The following SUCO variants were observed in gnomAD, a reference collection of about 807,000 sequenced individuals.
SUCO encodes the protein SUN domain-containing ossification factor.
In SUCO, 57 loss-of-function variants were observed where a neutral mutation model predicts 148.1. That is an observed-to-expected ratio of 0.38 (90% confidence interval 0.31 to 0.48). The LOEUF is 0.48. Ranked by LOEUF, SUCO falls within the 20% of genes least tolerant of loss-of-function variation. SUCO has a pLI of 0.96. For synonymous variants in SUCO, 470 were observed against 502.7 expected (o/e 0.93, Z 0.87); for missense variants, 1,331 against 1,468.2 (o/e 0.91, Z 1.53).
At chr1:172,601,381 C>T (rs926976665) in intron 20 of SUCO, among the ~76,000 whole-genome samples, 14 of 151,770 alleles carry the variant, frequency 9.2e-5, no homozygotes, top group African/African-American at 3.1e-4. Flanking sequence ...ATCCCAGCAA[C>T]TTGGGAGCTT....
At chr1:172,551,649 T>G (rs770927729) in intron 2 of SUCO, 23 bp downstream of exon 2, 1 of 1,452,056 alleles carries the variant, frequency 6.9e-7, no homozygotes, top group Non-Finnish European at 9.6e-7. Context: ...AAGTTAACAT[T>G]ATAATTTGTG....
chr1:172,547,365 C>G (rs1211624950), intron 1 of SUCO, among the ~76,000 whole-genome samples: 1 of 152,120 alleles, frequency 6.6e-6, no homozygotes, highest in Non-Finnish European at 1.5e-5. Flanking sequence ...TTGTACAAGG[C>G]TTTTTGTAGA....
chr1:172,583,129 A>ATT (rs1198030585), intron 15 of SUCO, among the ~76,000 whole-genome samples: 1 of 152,094 alleles, frequency 6.6e-6, no homozygotes, highest in Non-Finnish European at 1.5e-5. Flanking sequence ...ATATTGCAGT[A>ATT]TTGGTTGGCA....
chr1:172,580,330 A>C (rs1655792335), intron 15 of SUCO, among the ~76,000 whole-genome samples: 1 of 152,166 alleles, frequency 6.6e-6, no homozygotes, highest in Non-Finnish European at 1.5e-5. Context: ...GTAATATTCA[A>C]CTTTATTACA....
intron 19 of SUCO, among the ~76,000 whole-genome samples, chr1:172,594,690 T>G (rs1370993224): frequency 1.3e-5 from 2 of 152,198 alleles, no homozygotes; most frequent in Non-Finnish European, 2.9e-5. Context: ...GAGGAGTGCT[T>G]TACCTCCAGC....
chr1:172,582,559 A>G (rs894506322), intron 15 of SUCO, among the ~76,000 whole-genome samples: 1 of 152,180 alleles, frequency 6.6e-6, no homozygotes, highest in Non-Finnish European at 1.5e-5. Context: ...AGGAGAAATT[A>G]GGGATATTTA....
intron 22 of SUCO, among the ~76,000 whole-genome samples, chr1:172,603,988 A>G (rs1657694591): frequency 6.6e-6 from 1 of 151,932 alleles, no homozygotes; most frequent in Non-Finnish European, 1.5e-5. Context: ...TGGAAATGGG[A>G]TTGGTGAATC....
intron 1 of SUCO, chr1:172,550,681 C>T (rs1653225770): frequency 6.5e-6 from 1 of 154,582 alleles, no homozygotes; most frequent in Non-Finnish European, 1.4e-5. Flanking sequence ...TTTTAGGTTT[C>T]CTCACTAAAT....
At chr1:172,548,179 T>C (rs1036994342) in intron 1 of SUCO, among the ~76,000 whole-genome samples, 1 of 151,962 alleles carries the variant, frequency 6.6e-6, no homozygotes, top group African/African-American at 2.4e-5. Flanking sequence ...TTTTGCAATG[T>C]TTCTAGAAAT....
At chr1:172,546,998 C>T (rs1190305806) in intron 1 of SUCO, among the ~76,000 whole-genome samples, 1 of 152,134 alleles carries the variant, frequency 6.6e-6, no homozygotes, top group Admixed American at 6.5e-5. Flanking sequence ...TAACTCACAC[C>T]CCCTCAAGAT....
intron 1 of SUCO, among the ~76,000 whole-genome samples, chr1:172,538,636 C>T (rs1444507440): frequency 6.6e-6 from 1 of 152,078 alleles, no homozygotes; most frequent in African/African-American, 2.4e-5. Context: ...AAAACAATCC[C>T]ACTTCTCCAA....
rs186971877 is a variant in SUCO at position 172,592,404 on chromosome 1, T to A, written c.2913+1333T>A. ...AGGTTTTCTTCTAGGGTTTTTATGG[T>A]TTTAGGTCTAACATTTAAGTCTTTA... On this transcript the variant is annotated intron_variant, in intron 19 of 23. Coordinates refer to ENST00000263688, the MANE Select transcript of SUCO (RefSeq NM_014283.5). Among the ~76,000 whole-genome samples, 160 of 152,312 alleles carry A rather than the reference T, an allele frequency of 1.1e-3. 1 individual carries two copies. Among genetic ancestry groups the A allele is most frequent in the African/African-American group, 3.4e-3 (143 of 41,556 alleles).
intron 19 of SUCO, among the ~76,000 whole-genome samples, chr1:172,593,173 G>T (rs528206423): frequency 1.5e-4 from 23 of 152,272 alleles, no homozygotes; most frequent in African/African-American, 4.8e-4. Context: ...GGAGATTTTG[G>T]GCTGAGATGA....
chr1:172,585,167 A>G, intron 16 of SUCO, 81 bp downstream of exon 16: 1 of 1,124,020 alleles, frequency 8.9e-7, no homozygotes, highest in Non-Finnish European at 1.3e-6. Flanking sequence ...TAATGAGTTA[A>G]GAAAATTTGA....
intron 11 of SUCO, 94 bp from the exon 12 acceptor site, chr1:172,577,445 A>G: frequency 8.3e-7 from 1 of 1,204,162 alleles, no homozygotes; most frequent in Non-Finnish European, 1.2e-6. Flanking sequence ...TCTATACTTT[A>G]TACAACATAA....
chr1:172,593,260 C>T (rs1460049899), intron 19 of SUCO, among the ~76,000 whole-genome samples: 3 of 152,162 alleles, frequency 2.0e-5, no homozygotes, highest in Non-Finnish European at 4.4e-5. Flanking sequence ...ATTGAATACC[C>T]TTTATTTCTT....
chr1:172,589,990 A>G, intron 18 of SUCO, 64 bp downstream of exon 18: 1 of 1,292,420 alleles, frequency 7.7e-7, no homozygotes, highest in Non-Finnish European at 1.0e-6. Context: ...ATAGAGTATG[A>G]CCTGTGATTA....
intron 20 of SUCO, among the ~76,000 whole-genome samples, chr1:172,600,431 A>G (rs529253540): frequency 3.3e-5 from 5 of 152,348 alleles, no homozygotes; most frequent in Admixed American, 2.6e-4. Context: ...GTAAGCATTG[A>G]TAGTAGCAAC....
At chr1:172,542,353 G>T (rs1652531459) in intron 1 of SUCO, among the ~76,000 whole-genome samples, 1 of 152,068 alleles carries the variant, frequency 6.6e-6, no homozygotes, top group Admixed American at 6.5e-5. Context: ...TTGCACTCCA[G>T]CCTGGTCAAC....
Sources: allele counts gnomAD v4.1 joint callset (sites outside exome capture counted in the v4.1 genomes callset), GRCh38; gene constraint gnomAD v4.1.1; transcripts MANE v1.5; gene names NCBI Gene and HGNC (gene_info 2026-07-23, HGNC 2026-07-21).